Variants in GPR158 observed in about 807,000 individuals in gnomAD.
The protein encoded by GPR158 is G protein-coupled receptor 158.
GPR158 carries 30 observed loss-of-function variants against 78.2 expected under a neutral mutation model. That is an observed-to-expected ratio of 0.38 (90% CI 0.29 to 0.52). The LOEUF (loss-of-function observed/expected upper bound fraction) is 0.52, where lower values mean the gene tolerates loss of function less well. Ranked by LOEUF, GPR158 falls within the 20% of genes least tolerant of loss-of-function variation. GPR158 has a pLI of 0.83. For synonymous variants in GPR158, 581 were observed against 591.1 expected, an observed-to-expected ratio of 0.98 and a Z score of 0.25; for missense variants, 1,463 against 1,523.5, an observed-to-expected ratio of 0.96 and a Z score of 0.66.
At position 25,286,082 on chromosome 10, in the gene GPR158, C is replaced by G. The variant is rs192427473; in HGVS notation, c.1008+64925C>G. Among the ~76,000 whole-genome samples, 21 of 152,176 alleles carry G rather than the reference C, an allele frequency of 1.4e-4. 1 individual carries two copies. Among genetic ancestry groups the G allele is most frequent in the Admixed American group, 9.8e-4 (15 of 15,298 alleles). ...TTTTTTCTTTATTTTTAGTTAACAA[C>G]TGTTTGAATATGATATGCCTATATG... is the stretch of plus-strand genomic sequence containing the variant. On this transcript the variant is annotated intron_variant, in intron 2 of 10. Transcript: ENST00000376351.
rs1024036868 is a variant in GPR158, at chr10:25,547,185, G to A, written c.1405-3791G>A. Among the ~76,000 whole-genome samples the A allele has an allele frequency of 3.3e-5, 5 of 151,960 alleles. No homozygotes were observed. In the South Asian group the frequency reaches 6.2e-4, roughly 19 times the overall value. On this transcript the variant is annotated intron_variant, in intron 5 of 10. Coordinates refer to ENST00000376351, the MANE Select transcript of GPR158 (RefSeq NM_020752.3). ...TTTTTTCCTTCCAACTGGTCCTCTC[G>A]CCTTCAGTCTCTCCCCTTTCCATAG...
At chr10:25,503,993 C>A (rs150174294) in intron 5 of GPR158, among the ~76,000 whole-genome samples, 3,680 of 151,584 alleles carry the variant, frequency 0.024, 78 homozygotes, top group Non-Finnish European at 0.04. Flanking sequence ...CAGGTTCAAG[C>A]GATTCTCGTG....
intron 7 of GPR158, among the ~76,000 whole-genome samples, chr10:25,584,832 T>C (rs996126274): frequency 1.3e-5 from 2 of 152,244 alleles, no homozygotes; most frequent in African/African-American, 4.8e-5. Flanking sequence ...ACAGTTTATC[T>C]GAGCGAAGAT....
intron 2 of GPR158, among the ~76,000 whole-genome samples, chr10:25,318,542 G>C (rs117601311): frequency 6.6e-6 from 1 of 151,762 alleles, no homozygotes; most frequent in Non-Finnish European, 1.5e-5. Flanking sequence ...CAAGGCTTAG[G>C]GCAGGGTGTT....
At chr10:25,466,339 G>T (rs1299042055) in intron 4 of GPR158, 2 of 236,896 alleles carry the variant, frequency 8.4e-6, no homozygotes, top group East Asian at 1.7e-4. Context: ...TCAATCGGGA[G>T]AAGACTTCTC....
chr10:25,429,622 G>A lies in GPR158; in HGVS notation c.1335+17149G>A, dbSNP rs186733429. Among the ~76,000 whole-genome samples, 1,002 of 151,972 alleles carry A rather than the reference G, an allele frequency of 6.6e-3. 13 individuals carry two copies. The highest frequency in any genetic ancestry group is 0.023 in the African/African-American group (942 of 41,450). ...TGCAAAAATCCTCAATAAAATACTG[G>A]CAAACTGAATCCAGCAGCACATCAA... On this transcript the variant is annotated intron_variant, in intron 4 of 10. Coordinates refer to ENST00000376351, the MANE Select transcript of GPR158 (RefSeq NM_020752.3).
At chr10:25,521,084 C>A (rs908636892) in intron 5 of GPR158, among the ~76,000 whole-genome samples, 2 of 152,218 alleles carry the variant, frequency 1.3e-5, no homozygotes, top group Non-Finnish European at 2.9e-5. Flanking sequence ...ATTTCCTAAG[C>A]CCGTCGGAAA....
chr10:25,268,732 G>GT (rs1854075557), intron 2 of GPR158, among the ~76,000 whole-genome samples: 1 of 152,142 alleles, frequency 6.6e-6, no homozygotes, highest in Admixed American at 6.6e-5. Flanking sequence ...ATAGAATATA[G>GT]AAGAGTAGAG....
At chr10:25,293,809 G>A (rs996797652) in intron 2 of GPR158, among the ~76,000 whole-genome samples, 2 of 150,650 alleles carry the variant, frequency 1.3e-5, no homozygotes, top group African/African-American at 4.9e-5. Context: ...GCAGTGGCAC[G>A]ATCTTGGCTT....
chr10:25,389,400 G>A (rs1313926109), intron 2 of GPR158, among the ~76,000 whole-genome samples: 2 of 152,100 alleles, frequency 1.3e-5, no homozygotes, highest in Admixed American at 6.5e-5. Flanking sequence ...CTGAGAGCTC[G>A]ACAGTCATCA....
intron 2 of GPR158, among the ~76,000 whole-genome samples, chr10:25,279,913 C>T (rs919549930): frequency 2.0e-5 from 3 of 149,582 alleles, no homozygotes; most frequent in Non-Finnish European, 3.0e-5. Flanking sequence ...GTACCACTAG[C>T]GATTAATTTT....
chr10:25,294,679 G>T (rs1276257031), intron 2 of GPR158, among the ~76,000 whole-genome samples: 1 of 152,178 alleles, frequency 6.6e-6, no homozygotes, highest in African/African-American at 2.4e-5. Context: ...GTCTGGTAAA[G>T]TGTCAATGAT....
At position 25,474,478 on chromosome 10, in the gene GPR158, A is replaced by G. The variant is rs76612455; in HGVS notation, c.1404+7759A>G. Among the ~76,000 whole-genome samples, 458 of 152,108 alleles carry G rather than the reference A, an allele frequency of 3.0e-3. 6 individuals are homozygous for G. The East Asian group carries it at 0.057, about 19-fold the overall frequency. On this transcript the variant is annotated intron_variant, in intron 5 of 10. Transcript: ENST00000376351. ...ATATAGTCATCTTCTAGATTTCTAG[A>G]TAAGTATCAGTTTTTTAGAAATGCT...
chr10:25,315,907 G>T (rs1302325459), intron 2 of GPR158, among the ~76,000 whole-genome samples: 2 of 152,008 alleles, frequency 1.3e-5, no homozygotes, highest in African/African-American at 2.4e-5. Context: ...TTTGTAGATT[G>T]CTAAAGAAGG....
intron 2 of GPR158, among the ~76,000 whole-genome samples, chr10:25,311,511 G>C (rs1316330493): frequency 1.3e-5 from 2 of 151,854 alleles, no homozygotes; most frequent in Non-Finnish European, 2.9e-5. Context: ...TCTGTATGTT[G>C]AGTCTGGGTT....
At chr10:25,226,980 G>A (rs1410220872) in intron 2 of GPR158, among the ~76,000 whole-genome samples, 1 of 152,146 alleles carries the variant, frequency 6.6e-6, no homozygotes, top group Non-Finnish European at 1.5e-5. Flanking sequence ...GCCAAAGGAG[G>A]CCATATCACC....
At chr10:25,443,741 T>TC (rs1489258905) in intron 4 of GPR158, among the ~76,000 whole-genome samples, 2 of 141,620 alleles carry the variant, frequency 1.4e-5, no homozygotes, top group African/African-American at 5.7e-5. Flanking sequence ...GCAATGCCCT[T>TC]CTTTTTTTTG....
chr10:25,301,357 A>G (rs1305750081), intron 2 of GPR158, among the ~76,000 whole-genome samples: 1 of 152,158 alleles, frequency 6.6e-6, no homozygotes, highest in Non-Finnish European at 1.5e-5. Flanking sequence ...AACTCTGGCT[A>G]TTAGTTAGAA....
chr10:25,583,499 C>T (rs568439765), intron 7 of GPR158, among the ~76,000 whole-genome samples: 13 of 152,030 alleles, frequency 8.6e-5, no homozygotes, highest in Non-Finnish European at 1.9e-4. Context: ...TATTTATATT[C>T]AAGCTTCTTT....
Sources: allele counts gnomAD v4.1 joint callset (sites outside exome capture counted in the v4.1 genomes callset), GRCh38; gene constraint gnomAD v4.1.1; transcripts MANE v1.5; gene names NCBI Gene and HGNC (gene_info 2026-07-23, HGNC 2026-07-21).